Variants in REEP3 observed in about 807,000 individuals in gnomAD.
The protein encoded by REEP3 is receptor expression-enhancing protein 3.
In REEP3, 20 loss-of-function variants were observed where a neutral mutation model predicts 41.3. That is an observed-to-expected ratio of 0.48 (90% CI 0.34 to 0.70). The LOEUF (loss-of-function observed/expected upper bound fraction) is 0.70, where lower values mean the gene tolerates loss of function less well. REEP3 is among the 30% of genes least tolerant of loss of function. The probability of loss-of-function intolerance (pLI) is 0.01; values close to 1 mark genes in which losing one functional copy is unlikely to be tolerated. For synonymous variants in REEP3, 104 were observed against 101.8 expected (o/e 1.02, Z -0.13); for missense variants, 271 against 308.8 (o/e 0.88, Z 0.92).
intron 1 of REEP3, among the ~76,000 whole-genome samples, chr10:63,544,152 A>C (rs1955555894): frequency 1.3e-5 from 2 of 152,232 alleles, no homozygotes; most frequent in African/African-American, 4.8e-5. Flanking sequence ...AGAAAAAAAT[A>C]ATATGACTCT....
intron 1 of REEP3, among the ~76,000 whole-genome samples, chr10:63,552,966 ATTGTCT>A (rs540109539): frequency 6.7e-4 from 102 of 152,356 alleles, no homozygotes; most frequent in African/African-American, 2.3e-3. Flanking sequence ...GTACTTAGAC[ATTGTCT>A]TTGTCAGTTG....
chr10:63,576,654 C>T (rs370768309), intron 2 of REEP3, among the ~76,000 whole-genome samples: 84 of 152,298 alleles, frequency 5.5e-4, no homozygotes, highest in African/African-American at 1.9e-3. Flanking sequence ...GTTGCCATAA[C>T]AAAAACCATG....
intron 6 of REEP3, among the ~76,000 whole-genome samples, chr10:63,616,709 C>G (rs529503423): frequency 1.3e-5 from 2 of 152,074 alleles, no homozygotes; most frequent in Non-Finnish European, 2.9e-5. Flanking sequence ...AATTGTTTAT[C>G]ACAGTTACTT....
At chr10:63,549,763 A>G (rs577518613) in intron 1 of REEP3, among the ~76,000 whole-genome samples, 1 of 152,330 alleles carries the variant, frequency 6.6e-6, no homozygotes, top group African/African-American at 2.4e-5. Context: ...TTGGAATGTT[A>G]GGGTACAGAT....
intron 1 of REEP3, among the ~76,000 whole-genome samples, chr10:63,523,983 A>G (rs1486449663): frequency 6.6e-6 from 1 of 152,126 alleles, no homozygotes; most frequent in African/African-American, 2.4e-5. Flanking sequence ...CAGTTAAAGT[A>G]CTTGAGCTAC....
chr10:63,610,927 C>T (rs974356802), intron 6 of REEP3, among the ~76,000 whole-genome samples: 1 of 152,130 alleles, frequency 6.6e-6, no homozygotes, highest in African/African-American at 2.4e-5. Context: ...AAAAAATTAG[C>T]TGGGCGTGGT....
intron 7 of REEP3, among the ~76,000 whole-genome samples, 157 bp from the exon 8 acceptor site, chr10:63,620,656 A>G (rs1292771467): frequency 6.6e-6 from 1 of 152,186 alleles, no homozygotes; most frequent in African/African-American, 2.4e-5. Context: ...ATTTTTTATG[A>G]GTTTATAAGT....
chr10:63,609,782 T>A (rs1004308704), intron 5 of REEP3, among the ~76,000 whole-genome samples: 8 of 151,772 alleles, frequency 5.3e-5, no homozygotes, highest in Non-Finnish European at 4.4e-5. Context: ...TAAATAAATA[T>A]AAATAAATAA....
intron 2 of REEP3, among the ~76,000 whole-genome samples, chr10:63,570,214 G>C (rs946959128): frequency 6.6e-6 from 1 of 152,086 alleles, no homozygotes; most frequent in African/African-American, 2.4e-5. Flanking sequence ...TGGCATTTTG[G>C]CTAAGATCAA....
chr10:63,526,845 A>C (rs1281412719), intron 1 of REEP3, among the ~76,000 whole-genome samples: 1 of 152,088 alleles, frequency 6.6e-6, no homozygotes, highest in Admixed American at 6.5e-5. Flanking sequence ...TTTCTTTTAG[A>C]TATTTTATTC....
rs142531504 is a variant in REEP3, at chr10:63,596,171, C to A, written c.182+1317C>A. Among the ~76,000 whole-genome samples, 148 of 152,210 alleles carry A rather than the reference C, an allele frequency of 9.7e-4. 2 individuals carry two copies. The South Asian group carries it at 0.012, about 12-fold the overall frequency. On this transcript the variant is annotated intron_variant, in intron 3 of 7. Coordinates refer to ENST00000373758, the MANE Select transcript of REEP3 (RefSeq NM_001001330.3). ...TTAACAACCTTCCCTTATTTGCAAACGTCACTGTATCTGTCTTCTGATTTG... is the reference window on the plus strand; with the variant it reads ...TTAACAACCTTCCCTTATTTGCAAAAGTCACTGTATCTGTCTTCTGATTTG...
intron 1 of REEP3, among the ~76,000 whole-genome samples, chr10:63,544,961 C>A (rs1351979310): frequency 6.6e-6 from 1 of 152,086 alleles, no homozygotes; most frequent in African/African-American, 2.4e-5. Flanking sequence ...GTTAAAAATG[C>A]AAAATACAAA....
At chr10:63,524,943 CAAAGG>C (rs1288914073) in intron 1 of REEP3, among the ~76,000 whole-genome samples, 6 of 151,044 alleles carry the variant, frequency 4.0e-5, no homozygotes, top group Non-Finnish European at 7.4e-5. Context: ...ACCCTGGAGG[CAAAGG>C]TTGCAGTGAG....
intron 7 of REEP3, among the ~76,000 whole-genome samples, chr10:63,620,213 G>A (rs111419627): frequency 0.047 from 7,166 of 152,034 alleles, 259 homozygotes; most frequent in African/African-American, 0.097. Context: ...GATTCCAGGC[G>A]TGAGCCACCT....
At chr10:63,619,482 G>A (rs916826505) in intron 6 of REEP3, among the ~76,000 whole-genome samples, 173 bp from the exon 7 acceptor site, 5 of 152,152 alleles carry the variant, frequency 3.3e-5, no homozygotes, top group African/African-American at 1.2e-4. Context: ...AGTTTCACCT[G>A]GAATAGTGCG....
intron 2 of REEP3, among the ~76,000 whole-genome samples, chr10:63,584,888 A>AC (rs1049754038): frequency 1.3e-5 from 2 of 150,152 alleles, no homozygotes; most frequent in Admixed American, 6.7e-5. Flanking sequence ...CTCAGCAGAG[A>AC]TTTTTTTTTT....
intron 2 of REEP3, among the ~76,000 whole-genome samples, chr10:63,569,435 T>C (rs940175460): frequency 4.0e-5 from 6 of 151,358 alleles, no homozygotes; most frequent in Non-Finnish European, 5.9e-5. Flanking sequence ...ATTGTATATA[T>C]ATTTGTGCTT....
chr10:63,579,379 C>T (rs980910599), intron 2 of REEP3, among the ~76,000 whole-genome samples: 3 of 152,130 alleles, frequency 2.0e-5, no homozygotes, highest in Non-Finnish European at 4.4e-5. Flanking sequence ...GGGATTATTA[C>T]AACAGATCTA....
intron 1 of REEP3, among the ~76,000 whole-genome samples, chr10:63,537,960 C>T (rs12770839): frequency 2.1e-5 from 3 of 143,482 alleles, no homozygotes; most frequent in African/African-American, 5.2e-5. Flanking sequence ...TCTTCCCCCC[C>T]CGACCCCCAT....
Sources: gnomAD v4.1 joint callset for allele counts (sites outside exome capture counted in the v4.1 genomes callset) on GRCh38, gnomAD v4.1.1 for gene constraint, MANE v1.5 for transcripts, NCBI Gene and HGNC (gene_info 2026-07-23, HGNC 2026-07-21) for gene names.